The following ARHGAP33 variants were observed in gnomAD, a reference collection of about 807,000 sequenced individuals.
ARHGAP33 encodes rho GTPase-activating protein 33.
In ARHGAP33, 57 loss-of-function variants were observed where a neutral mutation model predicts 126.2. The ratio of observed to expected loss-of-function variants is 0.45; its 90% CI spans 0.36 to 0.56. The LOEUF (loss-of-function observed/expected upper bound fraction) is 0.56. Among genes scored for constraint, ARHGAP33 ranks in the 20% least tolerant of loss-of-function variants. The pLI, the probability that ARHGAP33 is intolerant of heterozygous loss-of-function variation, is 0.00. For synonymous variants in ARHGAP33, 711 were observed against 755.0 expected (o/e 0.94, Z 0.95); for missense variants, 1,500 against 1,748.3 (o/e 0.86, Z 2.53).
chr19:35,782,925 G>T lies in ARHGAP33; in HGVS notation c.1421+56G>T. The T allele has an allele frequency of 1.4e-6, 2 of 1,455,960 alleles. No individual in the cohort carries two copies. The highest frequency in any genetic ancestry group is 1.2e-5 in the South Asian group (1 of 81,636). The allele number at this position is 1,455,960 out of a possible 1,614,324, so 90.2% of individuals were successfully genotyped here. A position where few individuals can be genotyped will look rare whatever the true frequency, so the allele number is the denominator to read the frequency against. The stretch of plus-strand genomic sequence containing the variant: ...AGGTCTTTCCCCAAAACCACCCCAG[G>T]AACCCGCCCAGCTTTTCTTTTGTTT... On this transcript the variant is annotated intron_variant, in intron 15 of 20. Coordinates refer to ENST00000007510, the MANE Select transcript of ARHGAP33 (RefSeq NM_001366178.1). The surrounding 1 kb of genome is among the most constrained non-coding windows in gnomAD (Gnocchi z 4.1).
chr19:35,785,823 A>C, intron 19 of ARHGAP33: 2 of 1,180,818 alleles, frequency 1.7e-6, no homozygotes, highest in Non-Finnish European at 2.1e-6. Context: ...TCCCCACTGG[A>C]GGCATCCTCT....
rs1288280698 is a variant in ARHGAP33, at chr19:35,788,422, A to G, written c.3857A>G (p.Tyr1286Cys). 6.4e-7 allele frequency: 1 copy of G among 1,551,948 alleles called. No homozygotes were observed. The highest frequency in any genetic ancestry group is 1.2e-5 in the South Asian group (1 of 84,654). Residue 1286 changes from tyrosine to cysteine, a missense_variant, in exon 21 of 21, where the codon TAC becomes TGC. By Grantham distance (194) the Tyr-to-Cys change is radical. Coordinates refer to ENST00000007510, the MANE Select transcript of ARHGAP33 (RefSeq NM_001366178.1). ...SLHSEGQTRS[Y>C]C ...CACTCTGAGGGCCAGACCCGAAGCT[A>G]CTGCTGAGCACCAGCTGGGAGGGGC...
chr19:35,783,863 G>A (rs1417434830), intron 15 of ARHGAP33, among the ~76,000 whole-genome samples: 1 of 151,228 alleles, frequency 6.6e-6, no homozygotes, highest in South Asian at 2.1e-4. Flanking sequence ...TGTCCAGGCT[G>A]GGGGAGATGG....
In ARHGAP33 at chr19:35,786,494, G is replaced by T; in HGVS notation, c.2024G>T (p.Cys675Phe). The change falls in exon 20 of 21, where the codon TGC becomes TTC. Residue 675 changes from cysteine (C) to phenylalanine (F), a missense_variant. Cys to Phe is a radical substitution (Grantham distance 205). Transcript: ENST00000007510. This position sits in a 1 kb window ranked among gnomAD's most constrained non-coding sequence, Gnocchi z 7.0. ...FPVGPAPAGS[C>F]ESLSSSSSSE... ...GTGGGCCCAGCACCTGCTGGCTCCT[G>T]CGAGAGCCTGTCCTCGTCCTCCTCC... The T allele has an allele frequency of 2.0e-6, 3 of 1,535,920 alleles. No individual in the cohort carries two copies. The highest frequency in any genetic ancestry group is 2.6e-6 in the Non-Finnish European group (3 of 1,146,786).
chr19:35,778,019 C>G (rs575491532), intron 3 of ARHGAP33, 111 bp downstream of exon 3: 6 of 1,299,522 alleles, frequency 4.6e-6, no homozygotes, highest in Non-Finnish European at 6.5e-6. Flanking sequence ...GGCTGCTGCA[C>G]GCGTCTGAGC....
intron 1 of ARHGAP33, 49 bp from the exon 2 acceptor site, chr19:35,777,596 G>A (rs1174369530): frequency 6.8e-7 from 1 of 1,463,234 alleles, no homozygotes; most frequent in Non-Finnish European, 9.4e-7. Flanking sequence ...TGCTCTCGTT[G>A]TCTCTTTGCT....
Position 35,782,725 on chromosome 19 carries a change from G to C in ARHGAP33, c.1314-37G>C. 1 of 1,611,080 alleles carries C rather than the reference G, an allele frequency of 6.2e-7. No individual in the cohort carries two copies. On this transcript the variant is annotated intron_variant, in intron 14 of 20. Coordinates refer to ENST00000007510, the MANE Select transcript of ARHGAP33 (RefSeq NM_001366178.1). This position sits in a 1 kb window ranked among gnomAD's most constrained non-coding sequence, Gnocchi z 4.1. ...CGGGACTTGGTGGGATTCCAAGGGG[G>C]TTGAGGCTCAGGTGCCCCCTCTGCT...
intron 6 of ARHGAP33, chr19:35,779,997 A>C: frequency 1.5e-6 from 1 of 689,604 alleles, no homozygotes; most frequent in Non-Finnish European, 2.6e-6. Context: ...TGTGAGGGGA[A>C]ATAAAGGGGT....
chr19:35,778,941 T>C (rs1971598925), intron 5 of ARHGAP33, 91 bp from the exon 6 acceptor site: 1 of 1,105,106 alleles, frequency 9.0e-7, no homozygotes, highest in Non-Finnish European at 1.3e-6. Flanking sequence ...CAGGATGAAC[T>C]TCAGCCCAGA....
intron 17 of ARHGAP33, 32 bp downstream of exon 17, chr19:35,785,138 G>A: frequency 6.3e-7 from 1 of 1,586,980 alleles, no homozygotes; most frequent in Non-Finnish European, 8.6e-7. Flanking sequence ...GCGAGGGGCA[G>A]GTGGAGGCCT....
chr19:35,787,200 C>T lies in ARHGAP33; in HGVS notation c.2635C>T (p.Pro879Ser). Residue 879 changes from proline (P) to serine (S), a missense_variant, in exon 21 of 21, where the codon CCC (proline) becomes TCC (serine). Physicochemically the swap from Pro to Ser is moderately conservative, Grantham distance 74 (BLOSUM62 -1). Coordinates refer to ENST00000007510, the MANE Select transcript of ARHGAP33 (RefSeq NM_001366178.1). ...PDMESPLPPP[P>S]LSLLRPGGAP... ...TATGGAGTCACCACTGCCACCCCCTCCCCTGTCTCTCCTGCGCCCTGGGGG... is the reference window on the plus strand; with the variant it reads ...TATGGAGTCACCACTGCCACCCCCTTCCCTGTCTCTCCTGCGCCCTGGGGG... 6.2e-7 allele frequency: 1 copy of T among 1,611,216 alleles called. No homozygotes were observed.
intron 5 of ARHGAP33, 125 bp from the exon 6 acceptor site, chr19:35,778,907 A>G: frequency 1.2e-6 from 1 of 841,184 alleles, no homozygotes. Context: ...TCAGTACCTA[A>G]CAGCTGAGCA....
intron 15 of ARHGAP33, 21 bp from the exon 16 acceptor site, chr19:35,784,151 C>G: frequency 1.3e-6 from 2 of 1,599,354 alleles, no homozygotes; most frequent in Non-Finnish European, 8.5e-7. Context: ...ACCCAGCCTC[C>G]CTCCCGCTCC....
chr19:35,786,349 C>T lies in ARHGAP33; in HGVS notation c.1943-64C>T, dbSNP rs1972109026. On this transcript the variant is annotated intron_variant, in intron 19 of 20. Coordinates refer to ENST00000007510, the MANE Select transcript of ARHGAP33 (RefSeq NM_001366178.1). This position sits in a 1 kb window ranked among gnomAD's most constrained non-coding sequence, Gnocchi z 7.0. ...GGAGGCGCCTCTTCATGTCCTTTCC[C>T]CAGCTTTCTGTGGGGCTGTGCGCCC... 7 of 1,469,292 alleles carry T rather than the reference C, an allele frequency of 4.8e-6. No individual in the cohort carries two copies. The highest frequency in any genetic ancestry group is 2.8e-5 in the South Asian group (2 of 72,308). The allele number at this position is 1,469,292 out of a possible 1,614,324, so 91.0% of individuals were successfully genotyped here. A position where few individuals can be genotyped will look rare whatever the true frequency, so the allele number is the denominator to read the frequency against.
In ARHGAP33 at chr19:35,786,814, C is replaced by CG; in HGVS notation, c.2349dup (p.Pro784AlafsTer67). On this transcript the variant is annotated frameshift_variant, in exon 20 of 21. Transcript: ENST00000007510. LOFTEE classifies it high-confidence loss of function. The surrounding 1 kb of genome is among the most constrained non-coding windows in gnomAD (Gnocchi z 7.0). The stretch of plus-strand genomic sequence containing the variant: ...GGTGACCCCCCAGGCCATCTCGCCC[C>CG]GGGGGCCCACCAGCCCCGCCTCGCC... 6.5e-7 allele frequency: 1 copy of CG among 1,534,956 alleles called. No individual in the cohort carries two copies. The highest frequency in any genetic ancestry group is 8.7e-7 in the Non-Finnish European group (1 of 1,143,960).
chr19:35,778,271 C>G lies in ARHGAP33; in HGVS notation c.190-9C>G, dbSNP rs1971562474. 6.2e-7 allele frequency: 1 copy of G among 1,613,976 alleles called. No individual in the cohort carries two copies. Among genetic ancestry groups the G allele is most frequent in the Non-Finnish European group, 8.5e-7 (1 of 1,180,002 alleles). The stretch of plus-strand genomic sequence containing the variant: ...AAAAGTCCACCTGGGCCTTGCTTTC[C>G]CTCTGCAGCTCCTGCTGTCTCCAGA... On this transcript the variant is annotated splice_polypyrimidine_tract_variant and intron_variant, in intron 3 of 20. Coordinates refer to ENST00000007510, the MANE Select transcript of ARHGAP33 (RefSeq NM_001366178.1).
In ARHGAP33 at chr19:35,787,425, A is replaced by C. The variant is rs898327108; in HGVS notation, c.2860A>C (p.Asn954His). ...GACCTCAGGGAGTGGGCCACCTCCC[A>C]ACTCCCTAGCACACCCGGGTGCCTG... ...LGTSGSGPPPNSLAHPGAWVP... is the reference protein window; with the variant it reads ...LGTSGSGPPPHSLAHPGAWVP... Residue 954 changes from asparagine (N) to histidine (H), a missense_variant, in exon 21 of 21, where the codon AAC becomes CAC. By Grantham distance (68) the Asn-to-His change is moderately conservative. Transcript: ENST00000007510. 8.1e-6 allele frequency: 13 copies of C among 1,611,404 alleles called. No individual in the cohort carries two copies. Among genetic ancestry groups the C allele is most frequent in the Non-Finnish European group, 1.1e-5 (13 of 1,178,988 alleles).
In ARHGAP33 at chr19:35,787,183, C is replaced by G. The variant is rs187189822; in HGVS notation, c.2618C>G (p.Ser873Ter). 1 of 1,610,904 alleles carries G rather than the reference C, an allele frequency of 6.2e-7. No homozygotes were observed. ...AQGPLGPDME[S>*]PLPPPPLSLL... ...ATTTATATAGGTCCTGATATGGAGTCACCACTGCCACCCCCTCCCCTGTCT... is the reference window on the plus strand; with the variant it reads ...ATTTATATAGGTCCTGATATGGAGTGACCACTGCCACCCCCTCCCCTGTCT... Residue 873 changes from serine (S) to a stop codon, truncating the protein, a stop_gained, in exon 21 of 21, where the codon TCA becomes TGA. Coordinates refer to ENST00000007510, the MANE Select transcript of ARHGAP33 (RefSeq NM_001366178.1). LOFTEE classifies it high-confidence loss of function.
chr19:35,785,561 C>T, intron 19 of ARHGAP33, 78 bp downstream of exon 19: 2 of 1,593,718 alleles, frequency 1.3e-6, no homozygotes, highest in Non-Finnish European at 1.7e-6. Context: ...GGTTTGGCCT[C>T]CAAATTTTAT....
Sources: allele counts gnomAD v4.1 joint callset (sites outside exome capture counted in the v4.1 genomes callset), GRCh38; gene constraint gnomAD v4.1.1; non-coding constraint Gnocchi (gnomAD v3.1); transcripts MANE v1.5; gene names NCBI Gene and HGNC (gene_info 2026-07-23, HGNC 2026-07-21).